The following CCDC171 variants were observed in gnomAD, a reference collection of about 807,000 sequenced individuals.
CCDC171 encodes coiled-coil domain containing 171.
Under a neutral mutation model 168.2 loss-of-function variants are expected in CCDC171, and 177 were observed. The observed-to-expected ratio is 1.05, with a 90% CI of 0.93 to 1.19. The LOEUF (loss-of-function observed/expected upper bound fraction) is 1.19, where lower values mean the gene tolerates loss of function less well. Ranked by LOEUF, CCDC171 falls within the 50% of genes most tolerant of loss-of-function variation. The pLI is 0.00. For missense variants in CCDC171, 1,991 were observed against 1,539.0 expected (o/e 1.29, Z -4.91); for synonymous variants, 687 against 540.8 (o/e 1.27, Z -3.75).
chr9:15,709,936 T>G lies in CCDC171; in HGVS notation c.1319-11833T>G, dbSNP rs114646285. Among the ~76,000 whole-genome samples the G allele has an allele frequency of 5.3e-3, 807 of 152,232 alleles. 5 individuals are homozygous for G. Among genetic ancestry groups the G allele is most frequent in the African/African-American group, 0.019 (789 of 41,552 alleles). On this transcript the variant is annotated intron_variant, in intron 11 of 25. Transcript: ENST00000380701. Reference sequence around the variant, plus strand: ...TCACTCAGATCAACATTTATCAACTTAAGAACCAATTTTGTTTCATCTACT... The same window carrying G: ...TCACTCAGATCAACATTTATCAACTGAAGAACCAATTTTGTTTCATCTACT...
intron 3 of CCDC171, among the ~76,000 whole-genome samples, chr9:16,015,163 A>T (rs1407464381): frequency 6.6e-6 from 1 of 152,194 alleles, no homozygotes; most frequent in East Asian, 1.9e-4. Context: ...CAGTGATTTT[A>T]GCTAGATCCT....
At chr9:15,848,798 C>A in intron 22 of CCDC171, 95 bp from the exon 23 acceptor site, 1 of 610,416 alleles carries the variant, frequency 1.6e-6, no homozygotes, top group South Asian at 2.3e-5. Flanking sequence ...TGATATCAGA[C>A]CCTTATTTTT....
Position 15,955,764 on chromosome 9 carries a change from C to T in CCDC171, c.3754-15845C>T, listed in dbSNP as rs115674264. On this transcript the variant is annotated intron_variant, in intron 25 of 25. Coordinates refer to ENST00000380701, the MANE Select transcript of CCDC171 (RefSeq NM_173550.4). ...TTTCCAGAATCCTCTCAAATCCTTG[C>T]TGCACTATATTATATTACATTTTTA... Among the ~76,000 whole-genome samples the T allele has an allele frequency of 1.3e-3, 192 of 152,234 alleles. 1 individual carries two copies. The highest frequency in any genetic ancestry group is 4.4e-3 in the African/African-American group (183 of 41,544).
At chr9:16,068,754 C>CATACGATGTATTCTGCCAGG in the CCDC171 span, among the ~76,000 whole-genome samples, 4 of 126,450 alleles carry the variant, frequency 3.2e-5, no homozygotes, top group African/African-American at 5.0e-5. Flanking sequence ...AACCTGGGGT[C>CATACGATGTATTCTGCCAGG]ATACGATGTA....
chr9:15,725,530 A>G (rs1006026794), intron 14 of CCDC171, among the ~76,000 whole-genome samples: 3 of 151,600 alleles, frequency 2.0e-5, no homozygotes, highest in African/African-American at 4.9e-5. Context: ...GCTCATTGCA[A>G]CCTCCACCTC....
At chr9:15,919,621 G>A (rs1029427371) in intron 24 of CCDC171, among the ~76,000 whole-genome samples, 5 of 151,520 alleles carry the variant, frequency 3.3e-5, no homozygotes, top group Non-Finnish European at 5.9e-5. Flanking sequence ...TATAAAATAT[G>A]ATTAAACTGT....
rs530488165 is a variant in CCDC171, at chr9:15,890,003, A to C, written c.3600+15340A>C. ...GGAAATAAAAATATCACTTAATAGT[A>C]TTTAGAGACCAGTGTGAACTAAGAT... On this transcript the variant is annotated intron_variant, in intron 24 of 25. Transcript: ENST00000380701. Among the ~76,000 whole-genome samples, 106 of 152,202 alleles carry C rather than the reference A, an allele frequency of 7.0e-4. 1 individual carries two copies. Among genetic ancestry groups the C allele is most frequent in the African/African-American group, 2.3e-3 (97 of 41,470 alleles).
Position 15,779,090 on chromosome 9 carries a change from GA to G in CCDC171, c.3026del (p.Lys1009ArgfsTer13). ...TEFKRSVNEM[K>X]KELDKAQGLQ... ...AATTCAAACGAAGTGTGAATGAAATGAAAAAGGAGCTTGACAAAGCCCAGGG... is the reference window on the plus strand; with the variant it reads ...AATTCAAACGAAGTGTGAATGAAATGAAAAGGAGCTTGACAAAGCCCAGGG... On this transcript the variant is annotated frameshift_variant, in exon 20 of 26. Coordinates refer to ENST00000380701, the MANE Select transcript of CCDC171 (RefSeq NM_173550.4). LOFTEE classifies it high-confidence loss of function. 1.2e-6 allele frequency: 2 copies of G among 1,602,632 alleles called. No homozygotes were observed. The highest frequency in any genetic ancestry group is 1.7e-5 in the Admixed American group (1 of 58,222).
At chr9:16,021,972 C>T (rs184157229) in intron 4 of CCDC171, among the ~76,000 whole-genome samples, 1 of 152,300 alleles carries the variant, frequency 6.6e-6, no homozygotes, top group East Asian at 1.9e-4. Flanking sequence ...TTACTGCAGC[C>T]TAAGCAGCCT....
upstream of CCDC171, among the ~76,000 whole-genome samples, chr9:16,037,882 T>C (rs1235770802): frequency 6.6e-6 from 1 of 151,886 alleles, no homozygotes; most frequent in Non-Finnish European, 1.5e-5. Context: ...AGAAGAAATA[T>C]TCAGAGAGAA....
intron 25 of CCDC171, 81 bp downstream of exon 25, chr9:15,920,503 A>T: frequency 2.0e-6 from 2 of 986,604 alleles, no homozygotes; most frequent in Non-Finnish European, 2.9e-6. Context: ...TGTTCATAAG[A>T]TCATTTGCCA....
chr9:15,694,189 G>A (rs972826081), intron 10 of CCDC171, among the ~76,000 whole-genome samples: 2 of 151,928 alleles, frequency 1.3e-5, no homozygotes, highest in Non-Finnish European at 2.9e-5. Context: ...TTAAATTGCT[G>A]GAGTTCCATA....
At chr9:15,564,951 C>T (rs915392186) in intron 2 of CCDC171, among the ~76,000 whole-genome samples, 2 of 152,056 alleles carry the variant, frequency 1.3e-5, no homozygotes, top group African/African-American at 4.8e-5. Context: ...AGTCCTTCCT[C>T]ATATTTAGTT....
chr9:15,956,418 T>G (rs1829803141), intron 25 of CCDC171, among the ~76,000 whole-genome samples: 1 of 152,188 alleles, frequency 6.6e-6, no homozygotes, highest in Admixed American at 6.5e-5. Context: ...TGCATTTGGA[T>G]GTCAGTAACA....
chr9:15,859,996 T>TA (rs1454034697), intron 23 of CCDC171, among the ~76,000 whole-genome samples: 1 of 151,726 alleles, frequency 6.6e-6, no homozygotes, highest in African/African-American at 2.4e-5. Flanking sequence ...TTTTTTTTTT[T>TA]AATCATTCAG....
intron 19 of CCDC171, 26 bp from the exon 20 acceptor site, chr9:15,778,942 A>G (rs759066379): frequency 1.1e-5 from 16 of 1,433,672 alleles, no homozygotes; most frequent in Non-Finnish European, 1.5e-5. Context: ...GTTACTGTTT[A>G]TAAAATTGCT....
intron 24 of CCDC171, among the ~76,000 whole-genome samples, chr9:15,915,969 G>A (rs1310660700): frequency 1.3e-5 from 2 of 151,896 alleles, no homozygotes; most frequent in Non-Finnish European, 2.9e-5. Flanking sequence ...ATCTCACCTG[G>A]TTATAGTGTA....
chr9:16,059,891 A>G (rs1466375333), intron 1 of CCDC171, among the ~76,000 whole-genome samples: 1 of 152,012 alleles, frequency 6.6e-6, no homozygotes, highest in Non-Finnish European at 1.5e-5. Context: ...GCTCACCCAA[A>G]CTGGTGGTAG....
chr9:15,668,686 A>G (rs996548381), intron 9 of CCDC171, among the ~76,000 whole-genome samples: 1 of 151,986 alleles, frequency 6.6e-6, no homozygotes, highest in Admixed American at 6.6e-5. Context: ...TTCCATCCCT[A>G]CTATCTGTAG....
Sources: allele counts gnomAD v4.1 joint callset (sites outside exome capture counted in the v4.1 genomes callset), GRCh38; gene constraint gnomAD v4.1.1; transcripts MANE v1.5; gene names NCBI Gene and HGNC (gene_info 2026-07-23, HGNC 2026-07-21).